AGBL4: variants seen among roughly 807,000 people sequenced by gnomAD.
AGBL4 encodes cytosolic carboxypeptidase 6.
Under a neutral mutation model 66.4 loss-of-function variants are expected in AGBL4, and 58 were observed. The observed-to-expected ratio is 0.87, with a 90% CI of 0.71 to 1.09. The LOEUF (loss-of-function observed/expected upper bound fraction) is 1.09, where lower values mean the gene tolerates loss of function less well. AGBL4 is among the 50% of genes least tolerant of loss of function. The probability of loss-of-function intolerance (pLI) is 0.00; values close to 1 mark genes in which losing one functional copy is unlikely to be tolerated. For missense variants in AGBL4, 579 were observed against 631.0 expected, an observed-to-expected ratio of 0.92 and a Z score of 0.88; for synonymous variants, 234 against 222.9, an observed-to-expected ratio of 1.05 and a Z score of -0.44.
At chr1:49,202,120 T>C (rs899917050) in intron 4 of AGBL4, among the ~76,000 whole-genome samples, 2 of 152,122 alleles carry the variant, frequency 1.3e-5, no homozygotes, top group African/African-American at 4.8e-5. Context: ...AAATGAAACA[T>C]TGTGAGTGAG....
intron 3 of AGBL4, among the ~76,000 whole-genome samples, chr1:49,538,283 T>A (rs1210115200): frequency 6.6e-6 from 1 of 152,216 alleles, no homozygotes; most frequent in Non-Finnish European, 1.5e-5. Context: ...AGGAATGAAA[T>A]CATGTCTTCT....
At chr1:49,546,025 G>A (rs747976458) in intron 3 of AGBL4, among the ~76,000 whole-genome samples, 6 of 152,006 alleles carry the variant, frequency 3.9e-5, no homozygotes, top group Non-Finnish European at 8.8e-5. Context: ...CTTATCCCTT[G>A]CCTCCCTCCC....
intron 1 of AGBL4, among the ~76,000 whole-genome samples, chr1:49,993,258 A>G (rs1660101162): frequency 6.6e-6 from 1 of 152,264 alleles, no homozygotes; most frequent in East Asian, 1.9e-4. Flanking sequence ...TTACAAAGGT[A>G]GATTACATTT....
intron 3 of AGBL4, chr1:49,470,071 G>A (rs1646711213): frequency 1.3e-5 from 2 of 151,918 alleles, no homozygotes; most frequent in Non-Finnish European, 2.9e-5. Flanking sequence ...GTTATATACA[G>A]AGAATTTCAA....
chr1:48,649,271 AT>A (rs749455790), intron 8 of AGBL4, among the ~76,000 whole-genome samples: 64 of 152,222 alleles, frequency 4.2e-4, no homozygotes, highest in Non-Finnish European at 6.8e-4. Context: ...CCCACTATAT[AT>A]TGCGATCCCT....
At chr1:49,556,515 A>T in intron 3 of AGBL4, among the ~76,000 whole-genome samples, 1 of 79,994 alleles carries the variant, frequency 1.3e-5, no homozygotes, top group East Asian at 2.2e-4. Context: ...AATAAAAAAA[A>T]TTATATATAT....
At chr1:49,148,134 G>T (rs926038261) in intron 4 of AGBL4, among the ~76,000 whole-genome samples, 25 of 152,112 alleles carry the variant, frequency 1.6e-4, no homozygotes, top group Non-Finnish European at 3.2e-4. Flanking sequence ...TACTTTGTAG[G>T]ACTATAGTAC....
intron 3 of AGBL4, among the ~76,000 whole-genome samples, chr1:49,441,398 T>C (rs990353698): frequency 1.3e-5 from 2 of 152,180 alleles, no homozygotes; most frequent in Non-Finnish European, 2.9e-5. Context: ...TAATAGTTTA[T>C]TTGCTTGATT....
intron 4 of AGBL4, among the ~76,000 whole-genome samples, chr1:49,242,927 G>A (rs1651349409): frequency 6.6e-6 from 1 of 151,490 alleles, no homozygotes; most frequent in African/African-American, 2.4e-5. Flanking sequence ...AGACTTGAAG[G>A]CCTTGGTACC....
intron 1 of AGBL4, among the ~76,000 whole-genome samples, chr1:50,006,671 G>GAA (rs71572699): frequency 2.0e-3 from 294 of 144,732 alleles, no homozygotes; most frequent in Non-Finnish European, 3.3e-3. Context: ...GTGTAGAAGG[G>GAA]AAAAAAAAAA....
At chr1:49,628,195 A>G (rs1001820718) in intron 3 of AGBL4, among the ~76,000 whole-genome samples, 6 of 152,114 alleles carry the variant, frequency 3.9e-5, no homozygotes, top group African/African-American at 1.2e-4. Context: ...TGGCCTATGT[A>G]GTGATTCTCC....
chr1:49,514,225 T>A (rs1649547963), intron 3 of AGBL4, among the ~76,000 whole-genome samples: 1 of 151,938 alleles, frequency 6.6e-6, no homozygotes, highest in Admixed American at 6.6e-5. Flanking sequence ...TTCTCCTGCC[T>A]GATTGCCCTG....
chr1:49,204,405 G>A (rs1647965819), intron 4 of AGBL4, among the ~76,000 whole-genome samples: 1 of 151,468 alleles, frequency 6.6e-6, no homozygotes, highest in Non-Finnish European at 1.5e-5. Context: ...GGAGTAACTG[G>A]GACTATACAC....
chr1:49,068,160 G>T (rs1644526616), intron 4 of AGBL4, among the ~76,000 whole-genome samples: 1 of 152,062 alleles, frequency 6.6e-6, no homozygotes, highest in East Asian at 1.9e-4. Flanking sequence ...TAGTAGCAAT[G>T]ATTTTTATAG....
chr1:49,206,507 C>A (rs1648142902), intron 4 of AGBL4, among the ~76,000 whole-genome samples: 2 of 152,014 alleles, frequency 1.3e-5, no homozygotes, highest in Admixed American at 6.6e-5. Flanking sequence ...TAAGGCAAAC[C>A]TGCTTTTGAC....
chr1:49,565,330 A>G (rs559302220), intron 3 of AGBL4, among the ~76,000 whole-genome samples: 1 of 152,166 alleles, frequency 6.6e-6, no homozygotes, highest in Non-Finnish European at 1.5e-5. Flanking sequence ...TTATGTGTGA[A>G]TTTGATCCTG....
At chr1:48,668,686 A>G (rs1025526502) in intron 6 of AGBL4, among the ~76,000 whole-genome samples, 2 of 152,218 alleles carry the variant, frequency 1.3e-5, no homozygotes, top group African/African-American at 4.8e-5. Flanking sequence ...ACTGATGTTC[A>G]TCCAGGACTT....
rs72902812 is a variant in AGBL4 at position 48,682,178 on chromosome 1, C to T, written c.635-18937G>A. 5.5e-3 allele frequency among the ~76,000 whole-genome samples: 833 copies of T among 152,312 alleles called. 5 individuals carry two copies. The highest frequency in any genetic ancestry group is 0.019 in the African/African-American group (797 of 41,566). ...GAAGAAACAGCCCTGCCAATACCTT[C>T]ATCTCAGATTTCTGGTCTTCAGAAC... On this transcript the variant is annotated intron_variant, in intron 6 of 13. Coordinates refer to ENST00000371839, the MANE Select transcript of AGBL4 (RefSeq NM_032785.4).
intron 6 of AGBL4, among the ~76,000 whole-genome samples, chr1:48,779,346 C>G (rs1645232300): frequency 1.3e-5 from 2 of 152,194 alleles, no homozygotes; most frequent in African/African-American, 4.8e-5. Flanking sequence ...CATGTTTTAG[C>G]AGGTCCCAAG....
Sources: gnomAD v4.1 joint callset for allele counts (sites outside exome capture counted in the v4.1 genomes callset) on GRCh38, gnomAD v4.1.1 for gene constraint, MANE v1.5 for transcripts, NCBI Gene and HGNC (gene_info 2026-07-23, HGNC 2026-07-21) for gene names.